The following CREB5 variants were observed in gnomAD, a reference collection of about 807,000 sequenced individuals.
CREB5 encodes cAMP responsive element binding protein 5.
In CREB5, 19 loss-of-function variants were observed where a neutral mutation model predicts 57.1. The ratio of observed to expected loss-of-function variants is 0.33; its 90% confidence interval spans 0.23 to 0.49. The LOEUF (loss-of-function observed/expected upper bound fraction) is 0.49, where lower values mean the gene tolerates loss of function less well. CREB5 is among the 20% of genes least tolerant of loss of function. CREB5 has a pLI of 0.99. For synonymous variants in CREB5, 238 were observed against 238.3 expected (o/e 1.00, Z 0.01); for missense variants, 579 against 671.6 (o/e 0.86, Z 1.52).
chr7:28,575,343 G>A (rs937573493), intron 5 of CREB5, among the ~76,000 whole-genome samples: 10 of 152,204 alleles, frequency 6.6e-5, no homozygotes, highest in African/African-American at 2.4e-4. Context: ...TGGGGGTGGG[G>A]AAAGAACAGT....
chr7:28,642,579 C>T lies in CREB5; in HGVS notation c.464+72042C>T, dbSNP rs1562544282. On this transcript the variant is annotated intron_variant, in intron 5 of 10. Coordinates refer to ENST00000357727, the MANE Select transcript of CREB5 (RefSeq NM_182898.4). Reference sequence around the variant, plus strand: ...ATGTTAATGCTTTAATACGATTTGCCAATCAGCCTGTTAATATCTGTCAAG... The same window carrying T: ...ATGTTAATGCTTTAATACGATTTGCTAATCAGCCTGTTAATATCTGTCAAG... 3.3e-5 allele frequency among the ~76,000 whole-genome samples: 5 copies of T among 152,148 alleles called. No individual in the cohort carries two copies. In the South Asian group the frequency reaches 8.3e-4, roughly 25 times the overall value.
rs1554281277 is a variant in CREB5 at position 28,657,738 on chromosome 7, A to AAAAAAAAAAAAAT, written c.465-61015_465-61014insAAAAAAAAAAAAT. Among the ~76,000 whole-genome samples, 44 of 139,794 alleles carry AAAAAAAAAAAAAT rather than the reference A, an allele frequency of 3.1e-4. 1 individual carries two copies. Among genetic ancestry groups the AAAAAAAAAAAAAT allele is most frequent in the East Asian group, 4.1e-4 (2 of 4,850 alleles). 91.7% of individuals were successfully genotyped at this position (139,794 alleles called of 152,430 possible). Reference sequence around the variant, plus strand: ...TCTCGAAAAAAAAAAAAAAAAAAAAAGAATAAAATTGCTCCAAAGCACTAT... The same window carrying AAAAAAAAAAAAAT: ...TCTCGAAAAAAAAAAAAAAAAAAAAAAAAAAAAAAAAATGAATAAAATTGCTCCAAAGCACTAT... On this transcript the variant is annotated intron_variant, in intron 5 of 10. Transcript: ENST00000357727.
At chr7:28,784,339 CTCTT>C (rs1807180116) in intron 7 of CREB5, among the ~76,000 whole-genome samples, 1 of 85,434 alleles carries the variant, frequency 1.2e-5, no homozygotes, top group African/African-American at 7.8e-5. Flanking sequence ...TAATAAACAA[CTCTT>C]TTTTTTTTAA....
rs78087587 is a variant in CREB5 at position 28,307,210 on chromosome 7, A to G, written c.-25+7769A>G. 6.3e-3 allele frequency among the ~76,000 whole-genome samples: 959 copies of G among 152,296 alleles called. 4 individuals are homozygous for G. Among genetic ancestry groups the G allele is most frequent in the Non-Finnish European group, 0.011 (770 of 68,016 alleles). Reference sequence around the variant, plus strand: ...ACTCAGCCAGCTCTGTGGTTTGAATACATTCCCTCCAAAATTCAAGCTGAA... The same window carrying G: ...ACTCAGCCAGCTCTGTGGTTTGAATGCATTCCCTCCAAAATTCAAGCTGAA... On this transcript the variant is annotated intron_variant, in intron 1 of 9. Coordinates refer to the CREB5 transcript ENST00000396299.
chr7:28,318,094 A>G (rs1785414897), intron 1 of CREB5, among the ~76,000 whole-genome samples: 1 of 152,254 alleles, frequency 6.6e-6, no homozygotes, highest in Admixed American at 6.5e-5. Context: ...ATATGAAGTT[A>G]TCTGATTTTA....
At chr7:28,501,730 C>G (rs899536939) in intron 3 of CREB5, among the ~76,000 whole-genome samples, 4 of 152,180 alleles carry the variant, frequency 2.6e-5, no homozygotes, top group African/African-American at 7.2e-5. Context: ...ACTAGCTTAG[C>G]CTCAGTAATG....
chr7:28,674,569 G>A (rs370048138), intron 5 of CREB5, among the ~76,000 whole-genome samples: 6 of 152,134 alleles, frequency 3.9e-5, no homozygotes, highest in South Asian at 2.1e-4. Flanking sequence ...TGTCTTCAGC[G>A]CAGACCAACC....
At chr7:28,323,337 A>G (rs989577878) in intron 1 of CREB5, among the ~76,000 whole-genome samples, 4 of 152,204 alleles carry the variant, frequency 2.6e-5, no homozygotes, top group African/African-American at 2.4e-5. Context: ...TCACTTTTCC[A>G]TGCTTCAAAA....
intron 5 of CREB5, among the ~76,000 whole-genome samples, chr7:28,580,758 G>GT (rs1345217356): frequency 6.6e-6 from 1 of 152,106 alleles, no homozygotes; most frequent in Admixed American, 6.5e-5. Context: ...TTTGGAGCCT[G>GT]CCTGAGACAG....
chr7:28,678,260 C>T (rs34823196), intron 5 of CREB5, among the ~76,000 whole-genome samples: 279 of 152,082 alleles, frequency 1.8e-3, no homozygotes, highest in Middle Eastern at 6.8e-3. Flanking sequence ...TGGTGGTGTG[C>T]GCCTGTAGCC....
At position 28,794,722 on chromosome 7, in the gene CREB5, C is replaced by T. The variant is rs191530297; in HGVS notation, c.703-9477C>T. The stretch of plus-strand genomic sequence containing the variant: ...TTAAGAGACACCCAGCCTTCATTCC[C>T]TACATGTGCATACCTGCACACACAC... On this transcript the variant is annotated intron_variant, in intron 7 of 10. Coordinates refer to ENST00000357727, the MANE Select transcript of CREB5 (RefSeq NM_182898.4). Among the ~76,000 whole-genome samples the T allele has an allele frequency of 4.5e-4, 68 of 151,638 alleles. 1 individual carries two copies. Among genetic ancestry groups the T allele is most frequent in the Admixed American group, 8.5e-4 (13 of 15,232 alleles).
intron 5 of CREB5, among the ~76,000 whole-genome samples, chr7:28,578,978 G>A (rs1583657525): frequency 6.6e-6 from 1 of 152,134 alleles, no homozygotes; most frequent in Non-Finnish European, 1.5e-5. Flanking sequence ...TAAGATTCTG[G>A]TATATACAGA....
At chr7:28,735,900 G>C (rs983085399) in intron 7 of CREB5, among the ~76,000 whole-genome samples, 3 of 151,830 alleles carry the variant, frequency 2.0e-5, no homozygotes, top group Non-Finnish European at 4.4e-5. Context: ...AAATTCTTGA[G>C]CTCAAGCGAT....
rs2128722818 is a variant in CREB5, at chr7:28,678,338, A to G, written c.465-40415A>G. Reference sequence around the variant, plus strand: ...CGGAGGTGGAGGTTGCAGTGAGCCAAGACGGCACCACTACACTCCAGCCTG... The same window carrying G: ...CGGAGGTGGAGGTTGCAGTGAGCCAGGACGGCACCACTACACTCCAGCCTG... On this transcript the variant is annotated intron_variant, in intron 5 of 10. Coordinates refer to ENST00000357727, the MANE Select transcript of CREB5 (RefSeq NM_182898.4). Among the ~76,000 whole-genome samples, 2 of 152,068 alleles carry G rather than the reference A, an allele frequency of 1.3e-5. 1 individual carries two copies. Among genetic ancestry groups the G allele is most frequent in the Admixed American group, 1.3e-4 (2 of 15,276 alleles).
rs34917973 is a variant in CREB5, at chr7:28,816,055, GCACA to G, written c.1255-1989_1255-1986del. ...ATTTCCTTCTGAAGCAAATATATACGCACACACACACACACACACACACACACAC... is the reference window on the plus strand; with the variant it reads ...ATTTCCTTCTGAAGCAAATATATACGCACACACACACACACACACACACAC... On this transcript the variant is annotated intron_variant, in intron 9 of 10. Coordinates refer to ENST00000357727, the MANE Select transcript of CREB5 (RefSeq NM_182898.4). 5.5e-3 allele frequency among the ~76,000 whole-genome samples: 799 copies of G among 145,322 alleles called. 2 individuals are homozygous for G. The highest frequency in any genetic ancestry group is 7.0e-3 in the Non-Finnish European group (459 of 65,996).
intron 9 of CREB5, 60 bp from the exon 10 acceptor site, chr7:28,818,011 G>A: frequency 7.7e-7 from 1 of 1,306,344 alleles, no homozygotes; most frequent in Non-Finnish European, 1.1e-6. Flanking sequence ...AAAGTGCACA[G>A]GGCTGTGGGT....
chr7:28,756,218 C>T (rs1805288048), intron 7 of CREB5, among the ~76,000 whole-genome samples: 1 of 152,050 alleles, frequency 6.6e-6, no homozygotes, highest in South Asian at 2.1e-4. Flanking sequence ...CAAGTCGCAG[C>T]CAAATGAAGG....
intron 1 of CREB5, among the ~76,000 whole-genome samples, chr7:28,371,247 G>A (rs1234081621): frequency 6.6e-6 from 1 of 151,820 alleles, no homozygotes; most frequent in Non-Finnish European, 1.5e-5. Flanking sequence ...GAGGTGGGAG[G>A]ATCACAAGGT....
chr7:28,396,193 C>T (rs894379429), intron 1 of CREB5, among the ~76,000 whole-genome samples: 3 of 152,146 alleles, frequency 2.0e-5, no homozygotes, highest in African/African-American at 7.2e-5. Context: ...TGATTCTACA[C>T]TATTTTCTTT....
Sources: gnomAD v4.1 joint callset for allele counts (sites outside exome capture counted in the v4.1 genomes callset) on GRCh38, gnomAD v4.1.1 for gene constraint, MANE v1.5 for transcripts, NCBI Gene and HGNC (gene_info 2026-07-23, HGNC 2026-07-21) for gene names.